The following MIER3 variants were observed in gnomAD, a reference collection of about 807,000 sequenced individuals.
MIER3 encodes MIER family member 3.
A neutral mutation model predicts 63.2 loss-of-function variants in MIER3; 9 were observed. The observed-to-expected ratio is 0.14, with a 90% CI of 0.09 to 0.25. The LOEUF is 0.25. Among genes scored for constraint, MIER3 ranks in the 10% least tolerant of loss-of-function variants. The pLI is 1.00. For missense variants in MIER3, 512 were observed against 666.2 expected (o/e 0.77, Z 2.55); for synonymous variants, 205 against 224.9 (o/e 0.91, Z 0.79).
intron 3 of MIER3, chr5:56,940,944 G>A (rs918397680): frequency 3.0e-6 from 3 of 984,306 alleles, no homozygotes; most frequent in South Asian, 4.7e-5. Context: ...TAGTATTTCC[G>A]CAGAACCTCA....
rs930797584 is a variant in MIER3, at chr5:56,923,519, G to A, written c.1262C>T (p.Pro421Leu). 3 of 1,614,186 alleles carry A rather than the reference G, an allele frequency of 1.9e-6. No individual in the cohort carries two copies. The change falls in exon 13 of 13, where the codon CCT becomes CTT. Residue 421 changes from proline to leucine, a missense_variant. Transcript: ENST00000381199. ...TCCACGGGGTGTGTTGCCCAGTGGAGGAAAGCTATCATCCAAACAATTCAC... is the reference window on the plus strand; with the variant it reads ...TCCACGGGGTGTGTTGCCCAGTGGAAGAAAGCTATCATCCAAACAATTCAC... ...TDVNCLDDSF[P>L]PLGNTPRGQV...
At chr5:56,930,349 C>CT (rs1410011774) in intron 9 of MIER3, among the ~76,000 whole-genome samples, 4 of 150,618 alleles carry the variant, frequency 2.7e-5, no homozygotes, top group Non-Finnish European at 4.4e-5. Flanking sequence ...AAGAAAAAAT[C>CT]TTTTTTTCAA....
At position 56,946,701 on chromosome 5, in the gene MIER3, C is replaced by G. The variant is rs891826394; in HGVS notation, c.180+225G>C. On this transcript the variant is annotated intron_variant, in intron 3 of 12. Transcript: ENST00000381199. ...AATTTTCTCATCTGTAAAATGCCTA[C>G]GTGTACCTACTTCACTGTGTTGATA... Among the ~76,000 whole-genome samples, 19 of 151,978 alleles carry G rather than the reference C, an allele frequency of 1.3e-4. 1 individual carries two copies. Among genetic ancestry groups the G allele is most frequent in the African/African-American group, 3.9e-4 (16 of 41,468 alleles).
At position 56,926,426 on chromosome 5, in the gene MIER3, C is replaced by CA. The variant is rs555422995; in HGVS notation, c.924+2340dup. Reference sequence around the variant, plus strand: ...ACAAACCACCCAATTAAAATCTGGGCAAAAAATCTGAATGAACACCTGAAA... The same window carrying CA: ...ACAAACCACCCAATTAAAATCTGGGCAAAAAAATCTGAATGAACACCTGAAA... On this transcript the variant is annotated intron_variant, in intron 10 of 12. Coordinates refer to ENST00000381199, the MANE Select transcript of MIER3 (RefSeq NM_001297599.2). 1.7e-4 allele frequency among the ~76,000 whole-genome samples: 26 copies of CA among 151,032 alleles called. No individual in the cohort carries two copies. The South Asian group carries it at 5.4e-3, about 32-fold the overall frequency.
chr5:56,930,871 C>A, intron 8 of MIER3, 126 bp from the exon 9 acceptor site: 1 of 744,394 alleles, frequency 1.3e-6, no homozygotes, highest in Non-Finnish European at 2.3e-6. Context: ...AATTTCAGGG[C>A]ATTTGAAGGT....
chr5:56,933,997 C>A (rs1750360356), intron 7 of MIER3, among the ~76,000 whole-genome samples: 1 of 151,942 alleles, frequency 6.6e-6, no homozygotes, highest in South Asian at 2.1e-4. Context: ...CTCTTAAAGA[C>A]ACTGATATAT....
At chr5:56,932,897 AT>A (rs941252468) in intron 8 of MIER3, among the ~76,000 whole-genome samples, 13 of 152,086 alleles carry the variant, frequency 8.5e-5, no homozygotes, top group Non-Finnish European at 1.8e-4. Context: ...TTAGGGAAAA[AT>A]TTTTTTTAAA....
intron 10 of MIER3, among the ~76,000 whole-genome samples, chr5:56,925,943 A>G (rs1749954232): frequency 6.6e-6 from 1 of 152,094 alleles, no homozygotes. Flanking sequence ...AATACACCCC[A>G]CGGGTACAGT....
At chr5:56,951,025 G>A (rs2112161426) in intron 1 of MIER3, among the ~76,000 whole-genome samples, 1 of 152,140 alleles carries the variant, frequency 6.6e-6, no homozygotes, top group African/African-American at 2.4e-5. Context: ...CCGGCTCTCC[G>A]AAGCCCCAAA....
rs759988281 is a variant in MIER3, at chr5:56,946,948, G to A, written c.158C>T (p.Ser53Leu). 2 of 1,588,164 alleles carry A rather than the reference G, an allele frequency of 1.3e-6. No homozygotes were observed. Among genetic ancestry groups the A allele is most frequent in the Non-Finnish European group, 1.7e-6 (2 of 1,169,934 alleles). Residue 53 changes from serine (S) to leucine (L), a missense_variant, in exon 3 of 13, where the codon TCA (serine) becomes TTA (leucine). Ser to Leu is a moderately radical substitution (Grantham distance 145, BLOSUM62 -2). Transcript: ENST00000381199. ...TACCTTTTCTAAGTCTTCAATTTCT[G>A]AACTGAAGTTTTTACCCTCATCCAT... ...EMMDEGKNFS[S>L]EIEDLEKEGT... is the part of the protein sequence containing the mutation.
chr5:56,944,175 T>TA (rs1750747307), intron 3 of MIER3, among the ~76,000 whole-genome samples: 1 of 152,146 alleles, frequency 6.6e-6, no homozygotes, highest in Non-Finnish European at 1.5e-5. Flanking sequence ...CTGCACTGTT[T>TA]AGAAGTCAAC....
At chr5:56,944,320 A>T (rs1217252754) in intron 3 of MIER3, among the ~76,000 whole-genome samples, 2 of 151,848 alleles carry the variant, frequency 1.3e-5, no homozygotes, top group Admixed American at 1.3e-4. Context: ...AAAAAAAAAA[A>T]TACAAAAAAA....
Position 56,947,035 on chromosome 5 carries a change from G to C in MIER3, c.71C>G (p.Pro24Arg). 1 of 1,609,440 alleles carries C rather than the reference G, an allele frequency of 6.2e-7. No homozygotes were observed. The highest frequency in any genetic ancestry group is 2.2e-5 in the East Asian group (1 of 44,488). Residue 24 changes from proline (P) to arginine (R), a missense_variant, in exon 3 of 13, where the codon CCC becomes CGC. Coordinates refer to ENST00000381199, the MANE Select transcript of MIER3 (RefSeq NM_001297599.2). ...SLSSEDHDFD[P>R]TAEMLVHDYD... is the part of the protein sequence containing the mutation. ...GTCATGGACCAACATCTCAGCAGTGGGGTCAAAATCATGATCCTCAGAAGA... is the reference window on the plus strand; with the variant it reads ...GTCATGGACCAACATCTCAGCAGTGCGGTCAAAATCATGATCCTCAGAAGA...
At chr5:56,950,592 T>G (rs1234389132) in intron 2 of MIER3, 36 bp downstream of exon 2, 15 of 1,612,598 alleles carry the variant, frequency 9.3e-6, no homozygotes, top group Non-Finnish European at 1.2e-5. Context: ...CATTACCCAC[T>G]GGGAACCACC....
rs550837549 is a variant in MIER3 at position 56,920,247 on chromosome 5, G to A, written c.*2881C>T. ...ATTCAGCAGCTGACCATGACAAGAG[G>A]AAAACTAAACATTTAAAAAGCTAGC... is the stretch of plus-strand genomic sequence containing the variant. On this transcript the variant is annotated 3_prime_UTR_variant, in exon 13 of 13. Coordinates refer to ENST00000381199, the MANE Select transcript of MIER3 (RefSeq NM_001297599.2). The A allele has an allele frequency of 4.6e-5, 7 of 152,532 alleles. No homozygotes were observed. The South Asian group carries it at 1.5e-3, about 32-fold the overall frequency. 9.4% of individuals were successfully genotyped at this position (152,532 alleles called of 1,614,324 possible). A position where few individuals can be genotyped will look rare whatever the true frequency, so the allele number is the denominator to read the frequency against.
chr5:56,949,608 A>G (rs1357536778), intron 2 of MIER3, among the ~76,000 whole-genome samples: 5 of 152,220 alleles, frequency 3.3e-5, no homozygotes, highest in Admixed American at 3.3e-4. Flanking sequence ...ACTTGGTGTT[A>G]TAATACCTTA....
At chr5:56,941,155 G>A (rs1186153155) in intron 3 of MIER3, 1 of 985,162 alleles carries the variant, frequency 1.0e-6, no homozygotes, top group Non-Finnish European at 1.2e-6. Context: ...CTTAGTGGGA[G>A]TAAGTCTCAA....
intron 3 of MIER3, among the ~76,000 whole-genome samples, chr5:56,944,287 C>T (rs867554152): frequency 3.3e-5 from 5 of 151,424 alleles, no homozygotes; most frequent in Non-Finnish European, 5.9e-5. Context: ...CTGGCTAACA[C>T]GGTGAAACCC....
At chr5:56,930,518 A>G in intron 9 of MIER3, 146 bp downstream of exon 9, 1 of 692,342 alleles carries the variant, frequency 1.4e-6, no homozygotes, top group East Asian at 2.6e-5. Context: ...AGAGTGCAAG[A>G]AAAGGAAAAA....
Sources: gnomAD v4.1 joint callset for allele counts (sites outside exome capture counted in the v4.1 genomes callset) on GRCh38, gnomAD v4.1.1 for gene constraint, MANE v1.5 for transcripts, NCBI Gene and HGNC (gene_info 2026-07-23, HGNC 2026-07-21) for gene names.